Variants in ECPAS observed in about 807,000 individuals in gnomAD.
The protein encoded by ECPAS is Ecm29 proteasome adaptor and scaffold.
ECPAS carries 70 observed loss-of-function variants against 255.1 expected under a neutral mutation model. The observed-to-expected ratio is 0.27, with a 90% CI of 0.23 to 0.33. The LOEUF (loss-of-function observed/expected upper bound fraction) is 0.33. Ranked by LOEUF, ECPAS falls within the 10% of genes least tolerant of loss-of-function variation. The probability of loss-of-function intolerance (pLI) is 1.00; values close to 1 mark genes in which losing one functional copy is unlikely to be tolerated. For synonymous variants in ECPAS, 784 were observed against 775.0 expected (o/e 1.01, Z -0.19); for missense variants, 1,817 against 2,206.4 (o/e 0.82, Z 3.54).
At chr9:111,368,513 G>A (rs72607199) in intron 46 of ECPAS, among the ~76,000 whole-genome samples, 9,645 of 152,158 alleles carry the variant, frequency 0.063, 448 homozygotes, top group East Asian at 0.19. Context: ...CCCAAAATTC[G>A]TATGTTAAAA....
At chr9:111,416,148 A>G (rs2098203170) in intron 18 of ECPAS, 124 bp downstream of exon 18, 1 of 623,568 alleles carries the variant, frequency 1.6e-6, no homozygotes, top group Admixed American at 2.9e-5. Flanking sequence ...AACCCGATGA[A>G]GAACAATGAC....
chr9:111,433,610 C>T (rs913915930), intron 7 of ECPAS, among the ~76,000 whole-genome samples: 3 of 152,008 alleles, frequency 2.0e-5, no homozygotes, highest in African/African-American at 7.3e-5. Flanking sequence ...CTAAAAATAC[C>T]GAGGCAAGGC....
intron 8 of ECPAS, among the ~76,000 whole-genome samples, chr9:111,430,979 G>C (rs1231935029): frequency 6.6e-6 from 1 of 152,174 alleles, no homozygotes; most frequent in Admixed American, 6.5e-5. Flanking sequence ...TACTACACTT[G>C]TTCAAAGAGG....
At chr9:111,454,608 A>T (rs2098264581) in intron 2 of ECPAS, among the ~76,000 whole-genome samples, 2 of 152,208 alleles carry the variant, frequency 1.3e-5, no homozygotes, top group South Asian at 4.1e-4. Flanking sequence ...CGTCATCTTT[A>T]CAGACCCATC....
At chr9:111,413,833 A>G in intron 20 of ECPAS, 62 bp downstream of exon 20, 2 of 1,072,076 alleles carry the variant, frequency 1.9e-6, no homozygotes, top group South Asian at 3.3e-5. Context: ...CAGGAAAAAG[A>G]AATCATGAAG....
chr9:111,374,854 A>G (rs1383885098), intron 38 of ECPAS, among the ~76,000 whole-genome samples: 2 of 152,192 alleles, frequency 1.3e-5, no homozygotes, highest in Non-Finnish European at 2.9e-5. Flanking sequence ...ATGAATGACA[A>G]CCCAGAGGGT....
chr9:111,458,110 A>G (rs959334850), intron 2 of ECPAS, among the ~76,000 whole-genome samples: 5 of 152,210 alleles, frequency 3.3e-5, no homozygotes, highest in Admixed American at 2.6e-4. Flanking sequence ...TAAACTATAC[A>G]TTATTAATAT....
intron 12 of ECPAS, among the ~76,000 whole-genome samples, chr9:111,425,053 G>A (rs1461002232): frequency 6.6e-6 from 1 of 152,056 alleles, no homozygotes; most frequent in Non-Finnish European, 1.5e-5. Context: ...GTGTGGTGGT[G>A]GCAGGTGCCT....
chr9:111,401,084 G>C (rs929989616), intron 24 of ECPAS, among the ~76,000 whole-genome samples: 2 of 152,186 alleles, frequency 1.3e-5, no homozygotes, highest in Non-Finnish European at 2.9e-5. Flanking sequence ...TACAGGCCAG[G>C]AGGGAGTGAA....
rs768202544 is a variant in ECPAS, at chr9:111,370,422, C to A, written c.4974+13G>T. 6.5e-7 allele frequency: 1 copy of A among 1,530,292 alleles called. No individual in the cohort carries two copies. The highest frequency in any genetic ancestry group is 1.2e-5 in the South Asian group (1 of 80,848). 94.8% of individuals were successfully genotyped at this position (1,530,292 alleles called of 1,614,324 possible). A position where few individuals can be genotyped will look rare whatever the true frequency, so the allele number is the denominator to read the frequency against. On this transcript the variant is annotated intron_variant, in intron 45 of 49. Coordinates refer to ENST00000684092, the MANE Select transcript of ECPAS (RefSeq NM_001364929.1). ...AAAGTATAAACCAGAACTGAGGATA[C>A]AGGTGGTATTACCTTCTTGATGAGA...
At chr9:111,399,604 T>C (rs2098172605) in intron 24 of ECPAS, among the ~76,000 whole-genome samples, 1 of 152,158 alleles carries the variant, frequency 6.6e-6, no homozygotes, top group Admixed American at 6.5e-5. Flanking sequence ...CTGACTAAAA[T>C]GGCCTCAGGC....
At chr9:111,457,663 T>C (rs2098268538) in intron 2 of ECPAS, among the ~76,000 whole-genome samples, 1 of 152,160 alleles carries the variant, frequency 6.6e-6, no homozygotes, top group Admixed American at 6.5e-5. Flanking sequence ...GTGACAATGG[T>C]AGGAAAAGGC....
chr9:111,368,721 C>A (rs550174719), intron 46 of ECPAS, among the ~76,000 whole-genome samples: 9 of 152,274 alleles, frequency 5.9e-5, no homozygotes, highest in African/African-American at 2.2e-4. Flanking sequence ...GGAGAGAGGT[C>A]TCAGGAGAAA....
intron 24 of ECPAS, among the ~76,000 whole-genome samples, chr9:111,407,305 C>T (rs974724393): frequency 3.6e-5 from 5 of 138,688 alleles, no homozygotes; most frequent in South Asian, 4.6e-4. Flanking sequence ...AGGAGGCTGA[C>T]GAAGGAGAAT....
intron 24 of ECPAS, among the ~76,000 whole-genome samples, chr9:111,403,394 A>G (rs1771478404): frequency 7.3e-6 from 1 of 136,226 alleles, no homozygotes; most frequent in South Asian, 2.2e-4. Context: ...AAAGACACAA[A>G]TAGATTGAAG....
At chr9:111,408,188 C>A (rs934374169) in intron 24 of ECPAS, among the ~76,000 whole-genome samples, 1 of 152,186 alleles carries the variant, frequency 6.6e-6, no homozygotes, top group Non-Finnish European at 1.5e-5. Flanking sequence ...CTCCACTACA[C>A]ACTAGGCATC....
At chr9:111,373,111 T>C in intron 41 of ECPAS, 59 bp downstream of exon 41, 9 of 1,311,680 alleles carry the variant, frequency 6.9e-6, no homozygotes, top group Non-Finnish European at 9.9e-6. Flanking sequence ...ATTTGTACTG[T>C]TTTACTGGGC....
At chr9:111,369,992 A>G (rs1363860333) in intron 45 of ECPAS, among the ~76,000 whole-genome samples, 2 of 152,234 alleles carry the variant, frequency 1.3e-5, no homozygotes, top group Non-Finnish European at 2.9e-5. Flanking sequence ...GCAAATGGAC[A>G]CCCAGAATGA....
At chr9:111,386,917 G>C (rs1485694251) in intron 31 of ECPAS, among the ~76,000 whole-genome samples, 2 of 152,204 alleles carry the variant, frequency 1.3e-5, no homozygotes, top group Non-Finnish European at 2.9e-5. Context: ...TCTCCTCTCT[G>C]TTCCCATAGC....
Sources: gnomAD v4.1 joint callset for allele counts (sites outside exome capture counted in the v4.1 genomes callset) on GRCh38, gnomAD v4.1.1 for gene constraint, MANE v1.5 for transcripts, NCBI Gene and HGNC (gene_info 2026-07-23, HGNC 2026-07-21) for gene names.